The following R3HDM1 variants were observed in gnomAD, a reference collection of about 807,000 sequenced individuals.
R3HDM1 encodes R3H domain-containing protein 1.
R3HDM1 carries 46 observed loss-of-function variants against 141.1 expected under a neutral mutation model. The observed-to-expected ratio is 0.33, with a 90% CI of 0.26 to 0.42. R3HDM1 has a LOEUF of 0.42. Among genes scored for constraint, R3HDM1 ranks in the 10% least tolerant of loss-of-function variants. The probability of loss-of-function intolerance (pLI) is 1.00; values close to 1 mark genes in which losing one functional copy is unlikely to be tolerated. For missense variants in R3HDM1, 1,184 were observed against 1,368.3 expected, an observed-to-expected ratio of 0.87 and a Z score of 2.12; for synonymous variants, 435 against 472.9, an observed-to-expected ratio of 0.92 and a Z score of 1.04.
intron 19 of R3HDM1, among the ~76,000 whole-genome samples, chr2:135,664,024 A>T (rs1216409092): frequency 1.6e-5 from 2 of 127,428 alleles, no homozygotes; most frequent in Non-Finnish European, 3.1e-5. Flanking sequence ...ACAGAGTGAG[A>T]CTGTCTCAAA....
Position 135,602,627 on chromosome 2 carries a change from T to G in R3HDM1, c.-122T>G, listed in dbSNP as rs2105104408. On this transcript the variant is annotated 5_prime_UTR_variant, in exon 2 of 27. Transcript: ENST00000683871. ...GGTTCACTACAGTTGACATCCTGGC[T>G]GACAACTGTGAAAAAGAACCTTGGA... 6.5e-7 allele frequency: 1 copy of G among 1,548,138 alleles called. No homozygotes were observed. The highest frequency in any genetic ancestry group is 8.7e-7 in the Non-Finnish European group (1 of 1,146,322).
At chr2:135,611,525 G>A (rs888413389) in intron 3 of R3HDM1, among the ~76,000 whole-genome samples, 2 of 152,048 alleles carry the variant, frequency 1.3e-5, no homozygotes, top group African/African-American at 4.8e-5. Context: ...AAAAATTTGT[G>A]GCTTTATTGT....
chr2:135,623,272 C>T (rs898209423), intron 7 of R3HDM1, among the ~76,000 whole-genome samples: 3 of 152,096 alleles, frequency 2.0e-5, no homozygotes, highest in Non-Finnish European at 2.9e-5. Flanking sequence ...GAGACATTCT[C>T]CCTGCAAAAA....
chr2:135,649,232 T>C (rs1200401665), intron 16 of R3HDM1: 1 of 152,018 alleles, frequency 6.6e-6, no homozygotes, highest in Non-Finnish European at 1.5e-5. Flanking sequence ...GCCCGGCTAA[T>C]TTTTTGTATT....
chr2:135,660,434 A>G (rs543121387), intron 18 of R3HDM1, among the ~76,000 whole-genome samples: 1 of 152,334 alleles, frequency 6.6e-6, no homozygotes, highest in East Asian at 1.9e-4. Context: ...AACCTGTCAC[A>G]TGAGGTCAGG....
At chr2:135,614,478 C>T (rs2060832828) in intron 3 of R3HDM1, among the ~76,000 whole-genome samples, 1 of 152,148 alleles carries the variant, frequency 6.6e-6, no homozygotes, top group Non-Finnish European at 1.5e-5. Context: ...TTCACTGAAT[C>T]CTTTCAAGAA....
At chr2:135,547,695 T>G (rs1406061868) in intron 1 of R3HDM1, among the ~76,000 whole-genome samples, 7 of 151,948 alleles carry the variant, frequency 4.6e-5, no homozygotes, top group Non-Finnish European at 1.5e-5. Flanking sequence ...TAGTCTGAGA[T>G]ATTTTCCCGA....
chr2:135,623,786 G>T (rs998517596), intron 7 of R3HDM1, among the ~76,000 whole-genome samples: 2 of 152,172 alleles, frequency 1.3e-5, no homozygotes, highest in Non-Finnish European at 2.9e-5. Flanking sequence ...TAGAAGCTCT[G>T]ACCCTACAGT....
At chr2:135,541,592 G>T (rs1439546314) in intron 1 of R3HDM1, among the ~76,000 whole-genome samples, 1 of 152,134 alleles carries the variant, frequency 6.6e-6, no homozygotes, top group Non-Finnish European at 1.5e-5. Flanking sequence ...CAGCCAGTTG[G>T]TGGTGCAATC....
intron 3 of R3HDM1, among the ~76,000 whole-genome samples, chr2:135,613,335 T>G (rs2060715840): frequency 6.6e-6 from 1 of 152,220 alleles, no homozygotes; most frequent in African/African-American, 2.4e-5. Flanking sequence ...CCTCCTTACA[T>G]GGCCCCTCTA....
chr2:135,584,909 T>C (rs958642128), intron 1 of R3HDM1, among the ~76,000 whole-genome samples: 4 of 152,236 alleles, frequency 2.6e-5, no homozygotes, highest in Admixed American at 1.3e-4. Context: ...AAAGCTGCCT[T>C]GAAATATGTT....
At chr2:135,654,611 A>G (rs981980515) in intron 18 of R3HDM1, among the ~76,000 whole-genome samples, 3 of 151,674 alleles carry the variant, frequency 2.0e-5, no homozygotes, top group Non-Finnish European at 4.4e-5. Context: ...ACCATGCCCA[A>G]CTAATTTTTG....
chr2:135,651,446 T>C (rs2105278791), intron 17 of R3HDM1: 3 of 975,066 alleles, frequency 3.1e-6, no homozygotes, highest in Non-Finnish European at 3.7e-6. Context: ...TTCATTTAAA[T>C]AAATGTCTTC....
intron 3 of R3HDM1, chr2:135,605,944 A>G (rs1030429001): frequency 1.3e-5 from 2 of 152,284 alleles, no homozygotes; most frequent in East Asian, 1.9e-4. Context: ...TCGGCTTCCC[A>G]TAATGCTAGG....
chr2:135,531,872 C>A (rs980505676), intron 1 of R3HDM1: 8 of 983,160 alleles, frequency 8.1e-6, no homozygotes, highest in African/African-American at 7.0e-5. Context: ...TCGCCTGGCC[C>A]GCGGCTGCGG....
intron 20 of R3HDM1, among the ~76,000 whole-genome samples, chr2:135,676,780 C>A (rs1044444374): frequency 6.6e-6 from 1 of 152,220 alleles, no homozygotes; most frequent in Non-Finnish European, 1.5e-5. Flanking sequence ...CACTGCATTC[C>A]GGGCTAGGTG....
intron 2 of R3HDM1, among the ~76,000 whole-genome samples, chr2:135,603,251 A>C (rs944083372): frequency 6.6e-6 from 1 of 152,166 alleles, no homozygotes; most frequent in Non-Finnish European, 1.5e-5. Flanking sequence ...CAGCCTCCTA[A>C]TGCACTGGGA....
chr2:135,666,063 A>G (rs887991145), intron 19 of R3HDM1, among the ~76,000 whole-genome samples: 4 of 152,208 alleles, frequency 2.6e-5, no homozygotes, highest in Admixed American at 2.0e-4. Flanking sequence ...ATAACCCAGA[A>G]TCATATGGTT....
chr2:135,659,071 G>GTGTGTGTGTGTA (rs1553607674), intron 18 of R3HDM1, among the ~76,000 whole-genome samples: 5,710 of 150,428 alleles, frequency 0.038, 234 homozygotes, highest in African/African-American at 0.1. Flanking sequence ...GTGTGTGTGT[G>GTGTGTGTGTGTA]TGTGTGTGTG....
Sources: allele counts gnomAD v4.1 joint callset (sites outside exome capture counted in the v4.1 genomes callset), GRCh38; gene constraint gnomAD v4.1.1; transcripts MANE v1.5; gene names NCBI Gene and HGNC (gene_info 2026-07-23, HGNC 2026-07-21).